Variants in NCOR2 observed in about 807,000 individuals in gnomAD.
NCOR2 encodes nuclear receptor corepressor 2.
A neutral mutation model predicts 262.9 loss-of-function variants in NCOR2; 81 were observed. The ratio of observed to expected loss-of-function variants is 0.31; its 90% CI spans 0.26 to 0.37. NCOR2 has a LOEUF of 0.37. NCOR2 is among the 10% of genes least tolerant of loss of function. NCOR2 has a pLI of 1.00. For missense variants in NCOR2, 3,385 were observed against 3,621.4 expected (o/e 0.93, Z 1.68); for synonymous variants, 1,659 against 1,559.3 (o/e 1.06, Z -1.51).
chr12:124,468,050 T>C (rs1398511408), intron 4 of NCOR2, among the ~76,000 whole-genome samples: 1 of 14,128 alleles, frequency 7.1e-5, no homozygotes, highest in Non-Finnish European at 1.3e-4. Context: ...CTCATCACCC[T>C]CATCATCCTC....
intron 1 of NCOR2, among the ~76,000 whole-genome samples, chr12:124,506,082 C>T (rs2049021461): frequency 6.6e-6 from 1 of 152,032 alleles, no homozygotes. Flanking sequence ...CCCATTCCTG[C>T]ACCCCTTCAC....
chr12:124,411,273 CAGAGAGAGAG>C (rs746631858), intron 13 of NCOR2, among the ~76,000 whole-genome samples: 1 of 151,196 alleles, frequency 6.6e-6, no homozygotes, highest in African/African-American at 2.4e-5. Flanking sequence ...CATACACACA[CAGAGAGAGAG>C]AGAGAGAGAG....
At chr12:124,388,839 G>C in intron 16 of NCOR2, 3 of 1,268,892 alleles carry the variant, frequency 2.4e-6, no homozygotes, top group Non-Finnish European at 3.1e-6. Context: ...GCTCAGCTCA[G>C]CCTCACATCC....
exon 28 of NCOR2, chr12:124,350,705 G>T (rs758866380): frequency 6.8e-6 from 11 of 1,613,258 alleles, no homozygotes; most frequent in Non-Finnish European, 8.5e-6. Context: ...TCCTGGTGAT[G>T]GTGCCCTTGT....
intron 31 of NCOR2, among the ~76,000 whole-genome samples, 177 bp from the exon 34 acceptor site, chr12:124,345,128 A>G (rs991850837): frequency 1.1e-4 from 17 of 152,122 alleles, no homozygotes; most frequent in African/African-American, 4.1e-4. Context: ...CTTGTTACTT[A>G]CTGCCCTGCG....
rs370453736 is a variant in NCOR2, at chr12:124,473,118, G to A, written c.425C>T (p.Thr142Met). The A allele has an allele frequency of 9.5e-5, 153 of 1,613,836 alleles. No homozygotes were observed. In the South Asian group the frequency reaches 9.8e-4, roughly 10 times the overall value. The change falls in exon 4 of 47, where the codon ACG becomes ATG. Residue 142 changes from threonine to methionine, a missense_variant. Thr to Met is a moderately conservative substitution (Grantham distance 81). Coordinates refer to ENST00000405201, the Ensembl canonical transcript of NCOR2. ...GGGAGACACCGGTTCCAGCTTGCCC[G>A]TCAGGCTACGGTCCTGTGGCAGAAA...
At chr12:124,392,887 T>C (rs1370177973) in intron 16 of NCOR2, among the ~76,000 whole-genome samples, 1 of 152,218 alleles carries the variant, frequency 6.6e-6, no homozygotes, top group Non-Finnish European at 1.5e-5. Context: ...GCTGGAGTCC[T>C]GGGGGAGGCC....
chr12:124,541,779 T>C (rs181935476), intron 1 of NCOR2, among the ~76,000 whole-genome samples: 2,678 of 6,292 alleles, frequency 0.43, 976 homozygotes, highest in East Asian at 0.83. Context: ...GGGGTGGATA[T>C]GGAGGGGGAT....
In NCOR2 at chr12:124,483,541, C is replaced by A; in HGVS notation, c.411+55G>T. ...ACCCACCACCTCCCACCCAGCCCAA[C>A]CAGCAGCAGAACCTCAAGCGGGAGA... On this transcript the variant is annotated intron_variant, in intron 3 of 46. Transcript: ENST00000405201. This position sits in a 1 kb window ranked among gnomAD's most constrained non-coding sequence, Gnocchi z 6.3. The A allele has an allele frequency of 6.9e-7, 1 of 1,453,466 alleles. No homozygotes were observed. The highest frequency in any genetic ancestry group is 9.1e-7 in the Non-Finnish European group (1 of 1,095,394). 90.0% of individuals were successfully genotyped at this position (1,453,466 alleles called of 1,614,324 possible). A position where few individuals can be genotyped will look rare whatever the true frequency, so the allele number is the denominator to read the frequency against.
Position 124,483,774 on chromosome 12 carries a change from CT to C in NCOR2, c.234-2del. The C allele has an allele frequency of 6.3e-7, 1 of 1,594,364 alleles. No homozygotes were observed. Among genetic ancestry groups the C allele is most frequent in the Non-Finnish European group, 8.5e-7 (1 of 1,170,022 alleles). ...TGGCCGCAGGTGGAGCTCCTGGGAC[CT>C]GCAGGAGGTGAGGCATCCAACGTCA... is the stretch of plus-strand genomic sequence containing the variant. On this transcript the variant is annotated splice_acceptor_variant, in intron 2 of 46. Coordinates refer to ENST00000405201, the Ensembl canonical transcript of NCOR2. LOFTEE classifies it high-confidence loss of function. The surrounding 1 kb of genome is among the most constrained non-coding windows in gnomAD (Gnocchi z 6.3).
At position 124,334,497 on chromosome 12, in the gene NCOR2, T is replaced by C. The variant is rs376063427; in HGVS notation, c.6532A>G (p.Ser2178Gly). 6.6e-5 allele frequency: 96 copies of C among 1,445,356 alleles called. No individual in the cohort carries two copies. In the East Asian group the frequency reaches 1.9e-3, roughly 29 times the overall value. The allele number at this position is 1,445,356 out of a possible 1,614,324, so 89.5% of individuals were successfully genotyped here. ...TCCGGGGGCGGGAGGTAGAGGTCAC[T>C]GGGTGGGCGGCGGAGGTCCAGGACG... is the stretch of plus-strand genomic sequence containing the variant. Residue 2178 changes from serine (S) to glycine (G), a missense_variant, in exon 41 of 47, where the codon AGT (serine) becomes GGT (glycine). By Grantham distance (56) the Ser-to-Gly change is moderately conservative. Transcript: ENST00000405201.
At chr12:124,370,454 A>G (rs2039407295) in intron 20 of NCOR2, among the ~76,000 whole-genome samples, 1 of 151,984 alleles carries the variant, frequency 6.6e-6, no homozygotes, top group African/African-American at 2.4e-5. Context: ...GCCCCGCATG[A>G]CCCTGCGGGT....
chr12:124,367,944 G>C (rs995550312), intron 20 of NCOR2, among the ~76,000 whole-genome samples: 3 of 152,184 alleles, frequency 2.0e-5, no homozygotes, highest in Non-Finnish European at 2.9e-5. Flanking sequence ...TCTCTCCTTT[G>C]TTTTCTTGGA....
chr12:124,407,084 G>A (rs759510378), intron 13 of NCOR2, among the ~76,000 whole-genome samples: 6 of 152,188 alleles, frequency 3.9e-5, no homozygotes, highest in African/African-American at 9.7e-5. Context: ...CCCTACCTCC[G>A]CCCTGGGCTG....
Position 124,362,297 on chromosome 12 carries a change from G to A in NCOR2, c.2929C>T (p.Gln977Ter). Reference sequence around the variant, plus strand: ...GGGGGCTCATGGACTTTGGTGACCTGCTGAGGGAAGCAGGCAGAAGTGAGC... The same window carrying A: ...GGGGGCTCATGGACTTTGGTGACCTACTGAGGGAAGCAGGCAGAAGTGAGC... The change falls in exon 22 of 47, where the codon CAG (glutamine) becomes TAG (stop). Residue 977 changes from glutamine (Q) to a stop codon, truncating the protein, a stop_gained and splice_region_variant. Coordinates refer to ENST00000405201, the Ensembl canonical transcript of NCOR2. LOFTEE classifies it high-confidence loss of function. 1 of 1,321,650 alleles carries A rather than the reference G, an allele frequency of 7.6e-7. No individual in the cohort carries two copies. The highest frequency in any genetic ancestry group is 9.7e-7 in the Non-Finnish European group (1 of 1,035,048). The allele number at this position is 1,321,650 out of a possible 1,614,324, so 81.9% of individuals were successfully genotyped here.
intron 13 of NCOR2, among the ~76,000 whole-genome samples, chr12:124,418,305 G>A (rs1041106502): frequency 5.3e-5 from 8 of 152,174 alleles, no homozygotes; most frequent in South Asian, 2.1e-4. Context: ...TTGGGAATGC[G>A]GCGAGGGGTG....
At chr12:124,540,469 C>A (rs1261213890), upstream of NCOR2, among the ~76,000 whole-genome samples, 1 of 18,242 alleles carries the variant, frequency 5.5e-5, no homozygotes, top group Non-Finnish European at 9.6e-5. Flanking sequence ...AGGTGGAGAG[C>A]TGGAGGGGGA....
chr12:124,433,048 A>C (rs2044063371), intron 8 of NCOR2, among the ~76,000 whole-genome samples: 1 of 151,618 alleles, frequency 6.6e-6, no homozygotes, highest in Non-Finnish European at 1.5e-5. Flanking sequence ...CCTCAGCCCC[A>C]CCCCACCCCA....
At position 124,339,976 on chromosome 12, in the gene NCOR2, C is replaced by T. The variant is rs760832496; in HGVS notation, c.5687+30G>A. The T allele has an allele frequency of 2.2e-5, 35 of 1,608,428 alleles. No individual in the cohort carries two copies. In the South Asian group the frequency reaches 2.7e-4, roughly 13 times the overall value. On this transcript the variant is annotated intron_variant, in intron 37 of 46. Transcript: ENST00000405201. ...CCTACTGACCACCCATCCACCTGCC[C>T]GCCCCCTCCCCCATGCCAACCTGGC...
Sources: gnomAD v4.1 joint callset for allele counts (sites outside exome capture counted in the v4.1 genomes callset) on GRCh38, gnomAD v4.1.1 for gene constraint, Gnocchi (gnomAD v3.1) non-coding constraint, MANE v1.5 for transcripts, NCBI Gene and HGNC (gene_info 2026-07-23, HGNC 2026-07-21) for gene names.